The following MAPT variants were observed in gnomAD, a reference collection of about 807,000 sequenced individuals.
MAPT encodes the protein microtubule-associated protein tau.
Under a neutral mutation model 67.9 loss-of-function variants are expected in MAPT, and 34 were observed. The observed-to-expected ratio is 0.50, with a 90% confidence interval of 0.38 to 0.67. The LOEUF is 0.67. MAPT is among the 30% of genes least tolerant of loss of function. The pLI, the probability that MAPT is intolerant of heterozygous loss-of-function variation, is 0.00. For missense variants in MAPT, 881 were observed against 1,115.2 expected (o/e 0.79, Z 2.99); for synonymous variants, 456 against 464.5 (o/e 0.98, Z 0.23).
intron 1 of MAPT, among the ~76,000 whole-genome samples, chr17:45,926,912 T>C (rs1238585027): frequency 6.7e-6 from 1 of 149,194 alleles, no homozygotes; most frequent in East Asian, 1.9e-4. Flanking sequence ...TGTATGTATG[T>C]GTGTATATAT....
chr17:45,991,476 CGAA>C lies in MAPT; in HGVS notation c.1625_1627del (p.Lys542del). On this transcript the variant is annotated inframe_deletion, in exon 8 of 13. Coordinates refer to ENST00000262410, the MANE Select transcript of MAPT (RefSeq NM_001377265.1). ...CATTTACAGGGGGCTGATGGTAAAA[CGAA>C]GATCGCCACACCGCGGGGAGCAGCC... 1 of 1,614,156 alleles carries C rather than the reference CGAA, an allele frequency of 6.2e-7. No individual in the cohort carries two copies. The highest frequency in any genetic ancestry group is 8.5e-7 in the Non-Finnish European group (1 of 1,180,010).
chr17:45,974,607 G>A, intron 3 of MAPT: 1 of 710,236 alleles, frequency 1.4e-6, no homozygotes, highest in Non-Finnish European at 2.4e-6. Context: ...TGGCTCCTGG[G>A]AATCTTGGGT....
intron 9 of MAPT, chr17:45,999,675 A>G: frequency 6.3e-7 from 1 of 1,584,678 alleles, no homozygotes; most frequent in Non-Finnish European, 8.6e-7. Context: ...AGAAAGGGGC[A>G]GATGGGAGCC....
At chr17:45,953,936 A>C (rs2069341399) in intron 1 of MAPT, among the ~76,000 whole-genome samples, 1 of 152,214 alleles carries the variant, frequency 6.6e-6, no homozygotes, top group Admixed American at 6.5e-5. Flanking sequence ...CATGAAAAGC[A>C]GAACTCCACA....
chr17:45,994,113 C>G, intron 8 of MAPT: 1 of 769,394 alleles, frequency 1.3e-6, no homozygotes, highest in Non-Finnish European at 2.1e-6. Flanking sequence ...GAAGATGGAG[C>G]AGTCCGAATT....
chr17:45,931,311 T>C (rs2144688366), intron 1 of MAPT, among the ~76,000 whole-genome samples: 1 of 152,270 alleles, frequency 6.6e-6, no homozygotes, highest in South Asian at 2.1e-4. Flanking sequence ...ACTGTAATAA[T>C]GGCCAGAAAA....
intron 9 of MAPT, among the ~76,000 whole-genome samples, chr17:46,009,606 C>T (rs984141759): frequency 6.6e-6 from 1 of 152,186 alleles, no homozygotes; most frequent in African/African-American, 2.4e-5. Context: ...CACAGCCCCC[C>T]CTTGCAGGGA....
chr17:45,987,597 C>G (rs533102603), intron 6 of MAPT, among the ~76,000 whole-genome samples: 1 of 152,282 alleles, frequency 6.6e-6, no homozygotes, highest in South Asian at 2.1e-4. Flanking sequence ...CTGGAAAATC[C>G]CACCATGGCT....
chr17:45,922,965 A>C (rs2065898837), intron 1 of MAPT, among the ~76,000 whole-genome samples: 1 of 152,234 alleles, frequency 6.6e-6, no homozygotes, highest in Admixed American at 6.5e-5. Flanking sequence ...GTGGCGAGTG[A>C]CAGAGCCTGG....
At chr17:45,961,994 C>G (rs532476978) in intron 1 of MAPT, among the ~76,000 whole-genome samples, 3 of 152,032 alleles carry the variant, frequency 2.0e-5, no homozygotes, top group Non-Finnish European at 4.4e-5. Context: ...AGGCTGGTCT[C>G]GATCCCCTGA....
At chr17:45,992,010 G>A (rs62063801) in intron 8 of MAPT, among the ~76,000 whole-genome samples, 15 of 151,774 alleles carry the variant, frequency 9.9e-5, no homozygotes, top group East Asian at 3.9e-4. Flanking sequence ...GGTCTCGAAC[G>A]CCTGACCTCA....
chr17:45,947,345 C>T (rs2068604348), intron 1 of MAPT, among the ~76,000 whole-genome samples: 1 of 151,454 alleles, frequency 6.6e-6, no homozygotes, highest in Non-Finnish European at 1.5e-5. Context: ...TCCAGCGTCA[C>T]AAGGGTGTTT....
At chr17:45,928,249 A>G (rs62059007) in intron 1 of MAPT, among the ~76,000 whole-genome samples, 21,807 of 150,762 alleles carry the variant, frequency 0.14, 2,138 homozygotes, top group Middle Eastern at 0.22. Context: ...TTCCTTGAAA[A>G]CTCTTTACAG....
chr17:46,019,742 T>C (rs543972004), intron 12 of MAPT, among the ~76,000 whole-genome samples: 1 of 149,478 alleles, frequency 6.7e-6, no homozygotes, highest in African/African-American at 2.5e-5. Context: ...CTGGGTGCGG[T>C]GGCTCATGCC....
chr17:45,939,056 C>T lies in MAPT; in HGVS notation c.-17-23265C>T, dbSNP rs192318348. 7.5e-3 allele frequency among the ~76,000 whole-genome samples: 1,148 copies of T among 152,220 alleles called. 7 individuals are homozygous for T. The highest frequency in any genetic ancestry group is 9.9e-3 in the Non-Finnish European group (676 of 68,012). On this transcript the variant is annotated intron_variant, in intron 1 of 12. Transcript: ENST00000262410. ...CTCAAACTCCTGATCTCAAGTGATCCACCAACCTCAGCCTCTCAAAGTGCT... is the reference window on the plus strand; with the variant it reads ...CTCAAACTCCTGATCTCAAGTGATCTACCAACCTCAGCCTCTCAAAGTGCT...
In MAPT at chr17:45,996,793, G is replaced by A. The variant is rs2074518817; in HGVS notation, c.1998+129G>A. 4.5e-6 allele frequency: 6 copies of A among 1,322,478 alleles called. No individual in the cohort carries two copies. Among genetic ancestry groups the A allele is most frequent in the Admixed American group, 4.9e-5 (2 of 40,726 alleles). The allele number at this position is 1,322,478 out of a possible 1,614,324, so 81.9% of individuals were successfully genotyped here. A position where few individuals can be genotyped will look rare whatever the true frequency, so the allele number is the denominator to read the frequency against. ...TGGAGTCGTGGGACTGTGCATGGAG[G>A]TGTGGGGCTCCCCGCACCTGAGCAC... On this transcript the variant is annotated intron_variant, in intron 9 of 12. Transcript: ENST00000262410. This position sits in a 1 kb window ranked among gnomAD's most constrained non-coding sequence, Gnocchi z 4.5.
chr17:45,939,470 A>G (rs2067665966), intron 1 of MAPT, among the ~76,000 whole-genome samples: 1 of 152,152 alleles, frequency 6.6e-6, no homozygotes, highest in Non-Finnish European at 1.5e-5. Context: ...TGCCTAGCAC[A>G]TGCCTGTAAA....
intron 1 of MAPT, among the ~76,000 whole-genome samples, chr17:45,954,538 G>A (rs1044722120): frequency 6.6e-6 from 1 of 152,090 alleles, no homozygotes; most frequent in African/African-American, 2.4e-5. Flanking sequence ...TGGGAGGATC[G>A]CCTGAGCCCA....
At chr17:45,976,500 C>T (rs1373478676) in intron 3 of MAPT, 1 of 152,304 alleles carries the variant, frequency 6.6e-6, no homozygotes, top group African/African-American at 2.4e-5. Flanking sequence ...CAGCTACTGA[C>T]AATGCAGACC....
Sources: gnomAD v4.1 joint callset for allele counts (sites outside exome capture counted in the v4.1 genomes callset) on GRCh38, gnomAD v4.1.1 for gene constraint, Gnocchi (gnomAD v3.1) non-coding constraint, MANE v1.5 for transcripts, NCBI Gene and HGNC (gene_info 2026-07-23, HGNC 2026-07-21) for gene names.